Variants in DGKD observed in about 807,000 individuals in gnomAD.
DGKD encodes diacylglycerol kinase delta.
In DGKD, 68 loss-of-function variants were observed where a neutral mutation model predicts 154.4. The ratio of observed to expected loss-of-function variants is 0.44; its 90% CI spans 0.36 to 0.54. The LOEUF (loss-of-function observed/expected upper bound fraction) is 0.54. Ranked by LOEUF, DGKD falls within the 20% of genes least tolerant of loss-of-function variation. DGKD has a pLI of 0.00. For synonymous variants in DGKD, 693 were observed against 638.0 expected (o/e 1.09, Z -1.30); for missense variants, 1,343 against 1,593.6 (o/e 0.84, Z 2.68).
chr2:233,374,652 T>C (rs998721869), intron 1 of DGKD, among the ~76,000 whole-genome samples: 3 of 151,708 alleles, frequency 2.0e-5, no homozygotes, highest in Non-Finnish European at 4.4e-5. Flanking sequence ...TTTTACATTT[T>C]TCTTTTTAGA....
chr2:233,395,321 T>C lies in DGKD; in HGVS notation c.348+4838T>C, dbSNP rs370080758. Among the ~76,000 whole-genome samples, 26 of 152,106 alleles carry C rather than the reference T, an allele frequency of 1.7e-4. No individual in the cohort carries two copies. In the East Asian group the frequency reaches 2.5e-3, roughly 15 times the overall value. On this transcript the variant is annotated intron_variant, in intron 3 of 29. Coordinates refer to ENST00000264057, the MANE Select transcript of DGKD (RefSeq NM_152879.3). Reference sequence around the variant, plus strand: ...GGGTAGCTGGGACTCCAGGCACATGTGACCATACCCAGATAATTTTTGTTT... The same window carrying C: ...GGGTAGCTGGGACTCCAGGCACATGCGACCATACCCAGATAATTTTTGTTT...
intron 1 of DGKD, among the ~76,000 whole-genome samples, chr2:233,364,596 G>C (rs838705): frequency 6.6e-6 from 1 of 151,994 alleles, no homozygotes. Context: ...TGCATGTTGT[G>C]TGTAATCTGT....
At chr2:233,434,315 A>G (rs2062620360) in intron 3 of DGKD, 65 bp from the exon 4 acceptor site, 2 of 1,290,514 alleles carry the variant, frequency 1.5e-6, no homozygotes, top group Non-Finnish European at 2.2e-6. Context: ...GTTTTAAGAA[A>G]GCGTTCATAG....
Position 233,470,101 on chromosome 2 carries a change from G to A in DGKD, c.*641G>A, listed in dbSNP as rs2063962132. The A allele has an allele frequency of 6.6e-6, 1 of 152,414 alleles. No individual in the cohort carries two copies. Among genetic ancestry groups the A allele is most frequent in the African/African-American group, 2.4e-5 (1 of 41,450 alleles). The allele number at this position is 152,414 out of a possible 1,614,324, so 9.4% of individuals were successfully genotyped here. A position where few individuals can be genotyped will look rare whatever the true frequency, so the allele number is the denominator to read the frequency against. On this transcript the variant is annotated 3_prime_UTR_variant, in exon 30 of 30. Transcript: ENST00000264057. ...GCAGCGGGTGCTGTTTCCCAGGCGG[G>A]GAGCCCCTCCCTGGGTGTCACAGGG...
chr2:233,454,540 A>T, intron 18 of DGKD: 1 of 537,808 alleles, frequency 1.9e-6, no homozygotes, highest in Non-Finnish European at 3.5e-6. Context: ...TCTAAAATCG[A>T]TTATCTAGTG....
In DGKD at chr2:233,470,810, G is replaced by C. The variant is rs890148877; in HGVS notation, c.*1350G>C. On this transcript the variant is annotated 3_prime_UTR_variant, in exon 30 of 30. Coordinates refer to ENST00000264057, the MANE Select transcript of DGKD (RefSeq NM_152879.3). Reference sequence around the variant, plus strand: ...GCTGCCTGGCCGTGGCTTCTCTTTGGCTCCCAAAGAGAAGGACAGTGTTGG... The same window carrying C: ...GCTGCCTGGCCGTGGCTTCTCTTTGCCTCCCAAAGAGAAGGACAGTGTTGG... 11 of 149,074 alleles carry C rather than the reference G, an allele frequency of 7.4e-5. No individual in the cohort carries two copies. Among genetic ancestry groups the C allele is most frequent in the Non-Finnish European group, 1.1e-4 (7 of 66,574 alleles). 9.2% of individuals were successfully genotyped at this position (149,074 alleles called of 1,614,324 possible). A position where few individuals can be genotyped will look rare whatever the true frequency, so the allele number is the denominator to read the frequency against.
intron 3 of DGKD, chr2:233,419,279 C>T (rs902262459): frequency 3.9e-5 from 38 of 985,618 alleles, no homozygotes; most frequent in Non-Finnish European, 4.5e-5. Flanking sequence ...TACTGATTTG[C>T]TGCTCCAGCG....
At chr2:233,469,093 A>T (rs1012504835) in intron 29 of DGKD, among the ~76,000 whole-genome samples, 14 of 152,138 alleles carry the variant, frequency 9.2e-5, no homozygotes, top group Admixed American at 9.2e-4. Context: ...GGCTCTCATG[A>T]GGTCACTTGT....
intron 1 of DGKD, among the ~76,000 whole-genome samples, chr2:233,377,243 C>T (rs1702626729): frequency 6.6e-6 from 1 of 152,046 alleles, no homozygotes; most frequent in African/African-American, 2.4e-5. Context: ...CCACCACTCC[C>T]AGCTAATTTT....
At chr2:233,383,844 T>C (rs1048308259) in intron 1 of DGKD, among the ~76,000 whole-genome samples, 3 of 152,194 alleles carry the variant, frequency 2.0e-5, no homozygotes, top group African/African-American at 4.8e-5. Context: ...TAAGCAGATA[T>C]TTACTTACGG....
chr2:233,406,331 A>G (rs918077336), intron 3 of DGKD, among the ~76,000 whole-genome samples: 2 of 152,366 alleles, frequency 1.3e-5, no homozygotes, highest in East Asian at 1.9e-4. Flanking sequence ...GAACATGGAC[A>G]TACCTTTTGG....
intron 1 of DGKD, among the ~76,000 whole-genome samples, chr2:233,356,782 A>G (rs1701548809): frequency 6.6e-6 from 1 of 151,946 alleles, no homozygotes; most frequent in African/African-American, 2.4e-5. Flanking sequence ...AGATTGTCAG[A>G]ATGTGGGAAT....
chr2:233,419,855 G>C (rs2062058532), intron 3 of DGKD, among the ~76,000 whole-genome samples: 1 of 152,158 alleles, frequency 6.6e-6, no homozygotes, highest in South Asian at 2.1e-4. Flanking sequence ...TCTAGGGTGT[G>C]ATGTTGGTTT....
At chr2:233,376,552 G>A (rs771795917) in intron 1 of DGKD, among the ~76,000 whole-genome samples, 2 of 151,946 alleles carry the variant, frequency 1.3e-5, no homozygotes, top group Non-Finnish European at 2.9e-5. Context: ...AATGTTTCCT[G>A]GGCCTCCCTT....
At chr2:233,467,909 C>T (rs1365756317) in intron 28 of DGKD, among the ~76,000 whole-genome samples, 1 of 152,228 alleles carries the variant, frequency 6.6e-6, no homozygotes, top group African/African-American at 2.4e-5. Context: ...GAAATCTCTG[C>T]TCGTTTCCTT....
rs545792469 is a variant in DGKD at position 233,460,249 on chromosome 2, G to A, written c.2885G>A (p.Arg962His). The A allele has an allele frequency of 3.9e-5, 63 of 1,613,888 alleles. No individual in the cohort carries two copies. The highest frequency in any genetic ancestry group is 2.0e-4 in the South Asian group (18 of 91,066). Reference sequence around the variant, plus strand: ...GACAAGCAGAAGTGCGAGCTGCCCCGCCCTCCATCCTGTTCCCTGCACCCG... The same window carrying A: ...GACAAGCAGAAGTGCGAGCTGCCCCACCCTCCATCCTGTTCCCTGCACCCG... The part of the protein sequence containing the change: ...WEDKQKCELP[R>H]PPSCSLHPEM... The change falls in exon 24 of 30, where the codon CGC becomes CAC. Residue 962 changes from arginine to histidine, a missense_variant. By Grantham distance (29) the Arg-to-His change is conservative (BLOSUM62 0). Transcript: ENST00000264057.
rs759876737 is a variant in DGKD, at chr2:233,438,759, T to C, written c.1085+380T>C. 7.6e-4 allele frequency among the ~76,000 whole-genome samples: 16 copies of C among 21,116 alleles called. 1 individual carries two copies. The East Asian group carries it at 0.026, about 34-fold the overall frequency. The allele number at this position is 21,116 out of a possible 152,430, so 13.9% of individuals were successfully genotyped here. ...TTTATTTATCTGTCTATCTATCATC[T>C]ATCTATCTATCTATCTATCTATCTA... On this transcript the variant is annotated intron_variant, in intron 9 of 29. Coordinates refer to ENST00000264057, the MANE Select transcript of DGKD (RefSeq NM_152879.3). The surrounding 1 kb of genome is among the most constrained non-coding windows in gnomAD (Gnocchi z 4.1).
At chr2:233,392,005 T>A (rs1280714910) in intron 3 of DGKD, 1 of 152,102 alleles carries the variant, frequency 6.6e-6, no homozygotes, top group Non-Finnish European at 1.5e-5. Context: ...TTCTTTGGAG[T>A]GTTCTGAGCA....
chr2:233,400,046 AC>A (rs1484483979), intron 3 of DGKD, among the ~76,000 whole-genome samples: 22 of 152,298 alleles, frequency 1.4e-4, no homozygotes, highest in Middle Eastern at 6.8e-3. Flanking sequence ...TGATCACAGC[AC>A]CCCTGCAGGA....
Sources: allele counts gnomAD v4.1 joint callset (sites outside exome capture counted in the v4.1 genomes callset), GRCh38; gene constraint gnomAD v4.1.1; non-coding constraint Gnocchi (gnomAD v3.1); transcripts MANE v1.5; gene names NCBI Gene and HGNC (gene_info 2026-07-23, HGNC 2026-07-21).